Variants in RGS5 observed in about 807,000 individuals in gnomAD.
RGS5 encodes the protein regulator of G protein signaling 5, also known as regulator of G-protein signalling 5.
Under a neutral mutation model 18.9 loss-of-function variants are expected in RGS5, and 20 were observed. That is an observed-to-expected ratio of 1.06 (90% CI 0.74 to 1.54). The LOEUF is 1.54. Among genes scored for constraint, RGS5 ranks in the 40% most tolerant of loss-of-function variants. The pLI is 0.00. For synonymous variants in RGS5, 57 were observed against 76.2 expected (o/e 0.75, Z 1.31); for missense variants, 201 against 211.8 (o/e 0.95, Z 0.32).
chr1:163,309,750 TG>T (rs1276976147), intron 1 of RGS5, among the ~76,000 whole-genome samples: 1 of 152,228 alleles, frequency 6.6e-6, no homozygotes, highest in Non-Finnish European at 1.5e-5. Context: ...ATGATCTTAA[TG>T]GCATCTAGAA....
At chr1:163,175,753 TG>T (rs1433688213) in intron 1 of RGS5, among the ~76,000 whole-genome samples, 1 of 152,222 alleles carries the variant, frequency 6.6e-6, no homozygotes, top group Admixed American at 6.5e-5. Context: ...TGTTAAAACA[TG>T]TATTTATTTT....
chr1:163,260,382 G>C lies in RGS5; in HGVS notation c.-281+45851C>G, dbSNP rs1648396639. Among the ~76,000 whole-genome samples, 2 of 152,108 alleles carry C rather than the reference G, an allele frequency of 1.3e-5. 1 individual carries two copies. Among genetic ancestry groups the C allele is most frequent in the South Asian group, 4.1e-4 (2 of 4,822 alleles). ...TTGAAATTATCGCCAGTGCTTTAAA[G>C]AGTATGACTTCCAGTCAATTCAGTT... On this transcript the variant is annotated intron_variant, in intron 2 of 5. Coordinates refer to the RGS5 transcript ENST00000618415.
chr1:163,198,507 G>T (rs564583292), intron 1 of RGS5, among the ~76,000 whole-genome samples: 165 of 152,194 alleles, frequency 1.1e-3, no homozygotes, highest in African/African-American at 3.8e-3. Context: ...TATATTTAAA[G>T]AAACAAATAA....
At chr1:163,207,280 T>G (rs947462424), upstream of RGS5, among the ~76,000 whole-genome samples, 1 of 152,246 alleles carries the variant, frequency 6.6e-6, no homozygotes, top group African/African-American at 2.4e-5. Context: ...AGACCCATTG[T>G]TAAATATTTA....
At chr1:163,229,408 C>T (rs544916706) in intron 2 of RGS5, among the ~76,000 whole-genome samples, 42 of 152,310 alleles carry the variant, frequency 2.8e-4, no homozygotes, top group African/African-American at 9.9e-4. Flanking sequence ...TCCACCTGGT[C>T]CTGCCCTTGA....
intron 1 of RGS5, among the ~76,000 whole-genome samples, chr1:163,187,224 A>T (rs1659126538): frequency 6.6e-6 from 1 of 152,184 alleles, no homozygotes; most frequent in South Asian, 2.1e-4. Flanking sequence ...GGGAAATTTT[A>T]AAAAATAAAA....
intron 1 of RGS5, among the ~76,000 whole-genome samples, chr1:163,199,898 T>C (rs2101658798): frequency 6.6e-6 from 1 of 152,276 alleles, no homozygotes; most frequent in Non-Finnish European, 1.5e-5. Context: ...CTCAAACTCC[T>C]GTCCTCAAGG....
upstream of RGS5, among the ~76,000 whole-genome samples, chr1:163,217,985 C>T (rs117379514): frequency 5.3e-5 from 8 of 151,974 alleles, no homozygotes; most frequent in East Asian, 1.5e-3. Context: ...TTGTGTTGAC[C>T]ATTTATCATG....
chr1:163,207,344 A>G (rs1659976352), upstream of RGS5, among the ~76,000 whole-genome samples: 1 of 152,222 alleles, frequency 6.6e-6, no homozygotes, highest in South Asian at 2.1e-4. Flanking sequence ...ATATTCCTAT[A>G]TATGCCCCCG....
Position 163,304,254 on chromosome 1 carries a change from T to C in RGS5, c.-281+1979A>G, listed in dbSNP as rs1315647016. On this transcript the variant is annotated intron_variant, in intron 2 of 5. Transcript: ENST00000618415. ...TTATTTCCTGCACTTCTGGCAGCAA[T>C]TTTCTTCCCTAAATCGCTGGTACTT... 2.6e-5 allele frequency: 4 copies of C among 152,212 alleles called. No homozygotes were observed. In the East Asian group the frequency reaches 7.7e-4, roughly 29 times the overall value. The allele number at this position is 152,212 out of a possible 1,614,324, so 9.4% of individuals were successfully genotyped here. A position where few individuals can be genotyped will look rare whatever the true frequency, so the allele number is the denominator to read the frequency against.
At chr1:163,198,388 T>C (rs1659651384) in intron 1 of RGS5, among the ~76,000 whole-genome samples, 3 of 152,096 alleles carry the variant, frequency 2.0e-5, no homozygotes, top group South Asian at 4.1e-4. Flanking sequence ...AAAGGGCTTG[T>C]AGCTCTTTAA....
intron 1 of RGS5, chr1:163,210,897 C>T (rs1223309703): frequency 1.3e-5 from 2 of 152,192 alleles, no homozygotes; most frequent in African/African-American, 4.8e-5. Flanking sequence ...ACTGTATACA[C>T]TGGCTTTTGA....
intron 1 of RGS5, among the ~76,000 whole-genome samples, chr1:163,313,244 A>AAATT (rs1258925686): frequency 6.6e-6 from 1 of 152,222 alleles, no homozygotes; most frequent in Admixed American, 6.5e-5. Context: ...TCTTTAAAAA[A>AAATT]AATTAATCCT....
chr1:163,267,145 T>TA (rs1557925317), intron 2 of RGS5: 1 of 152,034 alleles, frequency 6.6e-6, no homozygotes, highest in Non-Finnish European at 1.5e-5. Context: ...TGGGATTAGA[T>TA]AAAGTCATGG....
chr1:163,249,017 AG>A (rs913003212), intron 2 of RGS5, among the ~76,000 whole-genome samples: 8 of 152,338 alleles, frequency 5.3e-5, no homozygotes, highest in South Asian at 2.1e-4. Flanking sequence ...TATAAAACCC[AG>A]GGCAGAAAAC....
intron 2 of RGS5, among the ~76,000 whole-genome samples, chr1:163,292,260 A>G (rs1165792750): frequency 6.6e-6 from 1 of 152,200 alleles, no homozygotes; most frequent in East Asian, 1.9e-4. Flanking sequence ...GTAAGTGAGA[A>G]CATGTGGTAT....
intron 1 of RGS5, among the ~76,000 whole-genome samples, chr1:163,173,537 T>C (rs1460350724): frequency 3.3e-5 from 5 of 152,150 alleles, no homozygotes; most frequent in Non-Finnish European, 7.4e-5. Flanking sequence ...TGCATAAGTG[T>C]GGAAAACCAG....
intron 1 of RGS5, among the ~76,000 whole-genome samples, chr1:163,309,498 CT>C (rs35021957): frequency 0.63 from 95,065 of 150,228 alleles, 30,326 homozygotes; most frequent in Non-Finnish European, 0.68. Flanking sequence ...CTAAGGAAAC[CT>C]TTTTTTTTTT....
Position 163,152,562 on chromosome 1 carries a change from C to A in RGS5, c.372G>T (p.Glu124Asp). The A allele has an allele frequency of 6.2e-7, 1 of 1,612,020 alleles. No individual in the cohort carries two copies. The highest frequency in any genetic ancestry group is 8.5e-7 in the Non-Finnish European group (1 of 1,178,918). The change falls in exon 4 of 5, where the codon GAG (glutamate) becomes GAT (aspartate). Residue 124 changes from glutamate (E) to aspartate (D), a missense_variant. Glu to Asp is a conservative substitution (Grantham distance 45, BLOSUM62 2). Coordinates refer to ENST00000313961, the MANE Select transcript of RGS5 (RefSeq NM_003617.4). ...CCCAGAGACCAACCTCTTTAGGAGC[C>A]TCCGTTTGAATGAATTCTTCATAAA... ...KQIYEEFIQTEAPKEVNIDHF... is the reference protein window; with the variant it reads ...KQIYEEFIQTDAPKEVNIDHF...
Sources: allele counts gnomAD v4.1 joint callset (sites outside exome capture counted in the v4.1 genomes callset), GRCh38; gene constraint gnomAD v4.1.1; transcripts MANE v1.5; gene names NCBI Gene and HGNC (gene_info 2026-07-23, HGNC 2026-07-21).